Variants in ADD1 observed in about 807,000 individuals in gnomAD.
ADD1 encodes the protein adducin 1.
A neutral mutation model predicts 80.5 loss-of-function variants in ADD1; 24 were observed. That is an observed-to-expected ratio of 0.30 (90% CI 0.22 to 0.42). The LOEUF is 0.42. Among genes scored for constraint, ADD1 ranks in the 10% least tolerant of loss-of-function variants. The probability of loss-of-function intolerance (pLI) is 1.00; values close to 1 mark genes in which losing one functional copy is unlikely to be tolerated. For synonymous variants in ADD1, 373 were observed against 393.8 expected, an observed-to-expected ratio of 0.95 and a Z score of 0.63; for missense variants, 948 against 1,019.0, an observed-to-expected ratio of 0.93 and a Z score of 0.95.
At chr4:2,866,342 G>T (rs978940577) in intron 1 of ADD1, among the ~76,000 whole-genome samples, 2 of 152,016 alleles carry the variant, frequency 1.3e-5, no homozygotes, top group Non-Finnish European at 2.9e-5. Context: ...AATTTTTTGT[G>T]TGTGTGTATT....
At chr4:2,923,862 G>C (rs779418329) in intron 14 of ADD1, among the ~76,000 whole-genome samples, 2 of 152,250 alleles carry the variant, frequency 1.3e-5, no homozygotes, top group Non-Finnish European at 2.9e-5. Flanking sequence ...GTGCGTGGCC[G>C]AGCCCTGATT....
chr4:2,859,178 G>A (rs1285935897), intron 1 of ADD1, among the ~76,000 whole-genome samples: 2 of 152,116 alleles, frequency 1.3e-5, no homozygotes, highest in African/African-American at 2.4e-5. Context: ...TGGAGAAAAA[G>A]CAAAATAAAA....
intron 13 of ADD1, among the ~76,000 whole-genome samples, chr4:2,914,018 C>CA (rs1170713393): frequency 6.7e-6 from 1 of 149,030 alleles, no homozygotes; most frequent in Non-Finnish European, 1.5e-5. Context: ...GAGATTGCGC[C>CA]ACTACACTCC....
chr4:2,888,508 C>G (rs1313231246), intron 4 of ADD1, among the ~76,000 whole-genome samples: 2 of 151,254 alleles, frequency 1.3e-5, no homozygotes, highest in African/African-American at 4.9e-5. Flanking sequence ...CTCTACCTTC[C>G]GAGTTCAGGC....
At chr4:2,886,036 GT>G (rs1295875072) in intron 4 of ADD1, among the ~76,000 whole-genome samples, 1 of 151,956 alleles carries the variant, frequency 6.6e-6, no homozygotes, top group Non-Finnish European at 1.5e-5. Context: ...CCAGTCTTCT[GT>G]TTTTTTCATG....
intron 1 of ADD1, among the ~76,000 whole-genome samples, chr4:2,852,170 C>G (rs1438003336): frequency 1.4e-5 from 1 of 71,458 alleles, no homozygotes; most frequent in East Asian, 5.4e-4. Flanking sequence ...TTCTTTCTTT[C>G]TTTCTTTCTT....
chr4:2,928,180 C>T lies in ADD1; in HGVS notation c.2057C>T (p.Pro686Leu), dbSNP rs13306093. The change falls in exon 16 of 16, where the codon CCG becomes CTG. Residue 686 changes from proline (P) to leucine (L), a missense_variant. Transcript: ENST00000683351. ...TPIKLEEDLV[P>L]EPTTGDDSDA... ...TCACCTCACCCACTAGACCTTGTGC[C>T]GGAGCCGACTACTGGAGATGACAGT... The T allele has an allele frequency of 3.2e-5, 52 of 1,613,892 alleles. No homozygotes were observed. The East Asian group carries it at 4.2e-4, about 13-fold the overall frequency.
chr4:2,896,329 C>G (rs1735223130), intron 6 of ADD1, among the ~76,000 whole-genome samples: 1 of 152,026 alleles, frequency 6.6e-6, no homozygotes, highest in Non-Finnish European at 1.5e-5. Flanking sequence ...TTGACTCAGC[C>G]TCCCAAGTAG....
intron 4 of ADD1, among the ~76,000 whole-genome samples, chr4:2,886,817 T>C (rs1733447758): frequency 6.6e-6 from 1 of 152,240 alleles, no homozygotes; most frequent in African/African-American, 2.4e-5. Flanking sequence ...GGGAAATTGC[T>C]GGCCTCTGTC....
intron 2 of ADD1, chr4:2,876,547 C>T (rs945775585): frequency 6.6e-6 from 1 of 152,552 alleles, no homozygotes; most frequent in Non-Finnish European, 1.5e-5. Flanking sequence ...ATTAAAAATA[C>T]AAAAATTGGC....
chr4:2,858,438 T>C (rs531408462), intron 1 of ADD1, among the ~76,000 whole-genome samples: 24 of 152,320 alleles, frequency 1.6e-4, no homozygotes, highest in Non-Finnish European at 2.4e-4. Flanking sequence ...TTACGCGGTT[T>C]AGTGAACTGG....
intron 1 of ADD1, among the ~76,000 whole-genome samples, chr4:2,848,088 G>T (rs929770881): frequency 6.6e-6 from 1 of 152,210 alleles, no homozygotes. Context: ...GGTGGTGGAT[G>T]CCTGTAATCC....
chr4:2,908,970 C>T, intron 12 of ADD1: 1 of 440,158 alleles, frequency 2.3e-6, no homozygotes, highest in Non-Finnish European at 4.2e-6. Context: ...TTGCTGTCTG[C>T]AACAAAGTGC....
intron 1 of ADD1, among the ~76,000 whole-genome samples, chr4:2,847,618 A>G (rs1458178998): frequency 6.6e-6 from 1 of 152,186 alleles, no homozygotes; most frequent in African/African-American, 2.4e-5. Flanking sequence ...TTATTTTGCT[A>G]GTGTTGAGAA....
intron 2 of ADD1, among the ~76,000 whole-genome samples, chr4:2,878,819 G>C (rs1731768587): frequency 6.6e-6 from 1 of 152,080 alleles, no homozygotes; most frequent in African/African-American, 2.4e-5. Context: ...TAGCAAGAAA[G>C]GGATTACAAT....
At chr4:2,885,696 G>A (rs1398833926) in intron 4 of ADD1, among the ~76,000 whole-genome samples, 6 of 151,304 alleles carry the variant, frequency 4.0e-5, no homozygotes, top group South Asian at 4.2e-4. Flanking sequence ...TGCAAGCTCC[G>A]CCTCCCGGGT....
At chr4:2,872,452 A>G (rs914166220) in intron 1 of ADD1, among the ~76,000 whole-genome samples, 6 of 152,276 alleles carry the variant, frequency 3.9e-5, no homozygotes, top group African/African-American at 1.4e-4. Context: ...ATAATAGAAT[A>G]AGAAATATAG....
chr4:2,879,204 C>T (rs1478805095), intron 2 of ADD1, among the ~76,000 whole-genome samples: 2 of 152,144 alleles, frequency 1.3e-5, no homozygotes, highest in Non-Finnish European at 1.5e-5. Context: ...TGGAGCCAAA[C>T]GTTAAGATCC....
rs757486416 is a variant in ADD1, at chr4:2,915,057, C to G, written c.1948+17C>G. On this transcript the variant is annotated intron_variant, in intron 14 of 15. Transcript: ENST00000683351. Reference sequence around the variant, plus strand: ...GCTCTGAAGGTGAGTGCTTGTGGTCCTGGGCACGGCCACTCCAGAAGGTGA... The same window carrying G: ...GCTCTGAAGGTGAGTGCTTGTGGTCGTGGGCACGGCCACTCCAGAAGGTGA... 4 of 1,598,806 alleles carry G rather than the reference C, an allele frequency of 2.5e-6. No homozygotes were observed. In the Admixed American group the frequency reaches 6.9e-5, roughly 28 times the overall value.
Sources: allele counts gnomAD v4.1 joint callset (sites outside exome capture counted in the v4.1 genomes callset), GRCh38; gene constraint gnomAD v4.1.1; transcripts MANE v1.5; gene names NCBI Gene and HGNC (gene_info 2026-07-23, HGNC 2026-07-21).